The following FER1L6 variants were observed in gnomAD, a reference collection of about 807,000 sequenced individuals.
FER1L6 encodes fer-1 like family member 6, also known as fer-1-like protein 6.
Under a neutral mutation model 219.2 loss-of-function variants are expected in FER1L6, and 177 were observed. That is an observed-to-expected ratio of 0.81 (90% CI 0.71 to 0.91). FER1L6 has a LOEUF of 0.91. FER1L6 is among the 40% of genes least tolerant of loss of function. The pLI is 0.00. For missense variants in FER1L6, 2,153 were observed against 2,259.9 expected, an observed-to-expected ratio of 0.95 and a Z score of 0.96; for synonymous variants, 768 against 824.3, an observed-to-expected ratio of 0.93 and a Z score of 1.17.
At chr8:124,063,789 TC>T (rs1046892389) in intron 25 of FER1L6, among the ~76,000 whole-genome samples, 6 of 152,148 alleles carry the variant, frequency 3.9e-5, no homozygotes, top group Non-Finnish European at 7.4e-5. Context: ...GAGTGCTGAC[TC>T]CTACAGCATA....
chr8:123,944,584 G>C (rs1402852604), intron 1 of FER1L6, among the ~76,000 whole-genome samples: 2 of 151,938 alleles, frequency 1.3e-5, no homozygotes, highest in East Asian at 3.8e-4. Flanking sequence ...ACACATACAC[G>C]TACACACACT....
intron 14 of FER1L6, 134 bp downstream of exon 14, chr8:124,010,848 C>CA (rs1299281031): frequency 5.7e-6 from 7 of 1,232,822 alleles, no homozygotes; most frequent in African/African-American, 1.5e-5. Context: ...ATTTGGAGGG[C>CA]ACGTGGATCC....
chr8:123,924,549 AAAT>A (rs1189415614), intron 1 of FER1L6, among the ~76,000 whole-genome samples: 19 of 136,678 alleles, frequency 1.4e-4, no homozygotes, highest in African/African-American at 6.6e-4. Flanking sequence ...AAAAAAAAAT[AAAT>A]AAATAAAAGA....
At chr8:123,856,880 G>A (rs1041104343) in intron 1 of FER1L6, among the ~76,000 whole-genome samples, 9 of 152,128 alleles carry the variant, frequency 5.9e-5, no homozygotes, top group Non-Finnish European at 1.3e-4. Flanking sequence ...CACTGGGCAA[G>A]CTGGGCGGGT....
At chr8:124,061,427 C>T (rs79363849) in intron 24 of FER1L6, among the ~76,000 whole-genome samples, 2,652 of 152,136 alleles carry the variant, frequency 0.017, 64 homozygotes, top group African/African-American at 0.058. Context: ...CATTGAGTCT[C>T]GGGGGCCACC....
At chr8:123,985,769 G>A in intron 11 of FER1L6, 1 of 241,010 alleles carries the variant, frequency 4.1e-6, no homozygotes, top group South Asian at 8.8e-5. Flanking sequence ...TTCACCAGCA[G>A]CATCCTAGAA....
intron 40 of FER1L6, among the ~76,000 whole-genome samples, chr8:124,119,272 G>T (rs1035002197): frequency 6.6e-6 from 1 of 152,104 alleles, no homozygotes; most frequent in African/African-American, 2.4e-5. Context: ...TGAAGTGAAG[G>T]GAATCATTGG....
At chr8:124,069,819 A>G (rs996941396) in intron 29 of FER1L6, among the ~76,000 whole-genome samples, 1 of 152,332 alleles carries the variant, frequency 6.6e-6, no homozygotes, top group African/African-American at 2.4e-5. Context: ...ATTTAACTCC[A>G]ACTAAAGTCA....
At chr8:123,971,315 A>G (rs1258302093) in intron 6 of FER1L6, among the ~76,000 whole-genome samples, 1 of 152,170 alleles carries the variant, frequency 6.6e-6, no homozygotes, top group East Asian at 1.9e-4. Context: ...GAGACAAACA[A>G]TCTTAAGGTT....
chr8:123,878,136 G>A (rs923005093), intron 1 of FER1L6, among the ~76,000 whole-genome samples: 3 of 151,602 alleles, frequency 2.0e-5, no homozygotes, highest in Non-Finnish European at 4.4e-5. Context: ...GAAGGGGGCA[G>A]TACAGTAACA....
chr8:123,928,188 A>G (rs571425209), intron 1 of FER1L6, among the ~76,000 whole-genome samples: 12 of 152,374 alleles, frequency 7.9e-5, no homozygotes, highest in African/African-American at 2.6e-4. Flanking sequence ...TTTTTGGAGC[A>G]AAAATGATAC....
At chr8:124,075,008 G>A (rs1316799235) in intron 31 of FER1L6, among the ~76,000 whole-genome samples, 4 of 152,188 alleles carry the variant, frequency 2.6e-5, no homozygotes, top group Admixed American at 2.6e-4. Context: ...AAGTTGCTCT[G>A]GGTGAGTCAC....
chr8:124,036,679 T>C (rs1038384019), intron 19 of FER1L6, among the ~76,000 whole-genome samples: 3 of 152,190 alleles, frequency 2.0e-5, no homozygotes, highest in Admixed American at 6.5e-5. Flanking sequence ...CTTGGCTTCC[T>C]ATTTTTATCG....
chr8:124,074,868 G>A (rs1288565467), intron 31 of FER1L6, among the ~76,000 whole-genome samples: 1 of 152,040 alleles, frequency 6.6e-6, no homozygotes, highest in Non-Finnish European at 1.5e-5. Flanking sequence ...GACTACTGTA[G>A]GCAATTTTAA....
intron 1 of FER1L6, among the ~76,000 whole-genome samples, chr8:123,881,334 A>C (rs1817105909): frequency 6.6e-6 from 1 of 152,152 alleles, no homozygotes; most frequent in Admixed American, 6.6e-5. Context: ...GGGAGTTGGG[A>C]TGAAAGGCAA....
chr8:124,040,086 C>G, intron 20 of FER1L6, 80 bp downstream of exon 20: 1 of 1,576,102 alleles, frequency 6.3e-7, no homozygotes, highest in Non-Finnish European at 8.7e-7. Context: ...AAAGAAACAA[C>G]GGGGGCATGT....
chr8:124,063,439 T>G (rs1820682471), intron 25 of FER1L6, among the ~76,000 whole-genome samples: 1 of 152,252 alleles, frequency 6.6e-6, no homozygotes. Flanking sequence ...CATTTAGATC[T>G]TTAATCATCT....
At chr8:123,909,005 G>C (rs1813005756) in intron 1 of FER1L6, among the ~76,000 whole-genome samples, 1 of 152,140 alleles carries the variant, frequency 6.6e-6, no homozygotes, top group African/African-American at 2.4e-5. Flanking sequence ...CAACTGGAGG[G>C]GCATGGCCCA....
In FER1L6 at chr8:123,953,753, A is replaced by G. The variant is rs998923094; in HGVS notation, c.-7-2239A>G. Among the ~76,000 whole-genome samples the G allele has an allele frequency of 3.3e-5, 5 of 152,326 alleles. No homozygotes were observed. The South Asian group carries it at 8.3e-4, about 25-fold the overall frequency. ...TGCTTCAAGCAGCCTCCAGAGCCCA[A>G]TGGCCACGTTCCCAGGAACATCAGA... is the stretch of plus-strand genomic sequence containing the variant. On this transcript the variant is annotated intron_variant, in intron 1 of 40. Transcript: ENST00000522917.
Sources: allele counts gnomAD v4.1 joint callset (sites outside exome capture counted in the v4.1 genomes callset), GRCh38; gene constraint gnomAD v4.1.1; transcripts MANE v1.5; gene names NCBI Gene and HGNC (gene_info 2026-07-23, HGNC 2026-07-21).